Variants in CAST observed in about 807,000 individuals in gnomAD.
CAST encodes the protein calpastatin.
Under a neutral mutation model 119.6 loss-of-function variants are expected in CAST, and 76 were observed. The ratio of observed to expected loss-of-function variants is 0.64; its 90% CI spans 0.53 to 0.77. CAST has a LOEUF of 0.77. Among genes scored for constraint, CAST ranks in the 30% least tolerant of loss-of-function variants. The pLI is 0.00. For missense variants in CAST, 953 were observed against 946.5 expected (o/e 1.01, Z -0.09); for synonymous variants, 319 against 331.6 (o/e 0.96, Z 0.41).
the CAST span, chr5:96,399,958 C>T: frequency 1.9e-6 from 3 of 1,611,644 alleles, no homozygotes; most frequent in African/African-American, 1.3e-5. Flanking sequence ...CTTACCTGGG[C>T]TCAAAGTCAT....
chr5:96,064,188 G>GT, the CAST span, among the ~76,000 whole-genome samples: 14 of 151,926 alleles, frequency 9.2e-5, no homozygotes, highest in African/African-American at 4.8e-5. Flanking sequence ...AGAGACAGTA[G>GT]TTTTTTTTCT....
chr5:96,314,657 A>G, the CAST span, among the ~76,000 whole-genome samples: 1 of 152,152 alleles, frequency 6.6e-6, no homozygotes, highest in African/African-American at 2.4e-5. Context: ...ATCAGACCAA[A>G]TATTACCTCC....
chr5:96,402,599 G>A, the CAST span, among the ~76,000 whole-genome samples: 1 of 152,194 alleles, frequency 6.6e-6, no homozygotes, highest in African/African-American at 2.4e-5. Context: ...GCAGTGAGAT[G>A]ACCCTCAAGT....
At chr5:96,085,441 A>G in the CAST span, among the ~76,000 whole-genome samples, 1 of 152,212 alleles carries the variant, frequency 6.6e-6, no homozygotes, top group Non-Finnish European at 1.5e-5. Context: ...AAATTGAGAC[A>G]TTTATTATAA....
At chr5:96,272,718 A>G in the CAST span, among the ~76,000 whole-genome samples, 14 of 152,312 alleles carry the variant, frequency 9.2e-5, no homozygotes, top group African/African-American at 3.4e-4. Flanking sequence ...ATAATATTCT[A>G]TATTTCAAAA....
the CAST span, among the ~76,000 whole-genome samples, chr5:96,230,968 A>G: frequency 3.9e-5 from 6 of 152,176 alleles, no homozygotes; most frequent in African/African-American, 1.2e-4. Flanking sequence ...TAGAATAGTT[A>G]TAATCAAGAC....
At chr5:96,414,137 T>TAA in the CAST span, among the ~76,000 whole-genome samples, 23 of 124,728 alleles carry the variant, frequency 1.8e-4, no homozygotes, top group Non-Finnish European at 2.7e-4. Flanking sequence ...AGACTCTGTC[T>TAA]AAAAAAAAAA....
At chr5:96,432,265 C>A in the CAST span, 1 of 748,454 alleles carries the variant, frequency 1.3e-6, no homozygotes, top group South Asian at 1.8e-5. Context: ...CACCATTTCT[C>A]CCCCCAGCTT....
chr5:96,529,793 G>A (rs1745658121), upstream of CAST: 1 of 438,832 alleles, frequency 2.3e-6, no homozygotes, highest in Non-Finnish European at 4.5e-6. Flanking sequence ...CCTTTGCTGG[G>A]CATTCATTCT....
chr5:96,407,824 C>T, the CAST span, among the ~76,000 whole-genome samples: 1 of 152,098 alleles, frequency 6.6e-6, no homozygotes, highest in African/African-American at 2.4e-5. Context: ...TAATACTGCC[C>T]ACTGGAAACT....
At chr5:96,040,605 G>A in the CAST span, among the ~76,000 whole-genome samples, 1 of 152,060 alleles carries the variant, frequency 6.6e-6, no homozygotes, top group Non-Finnish European at 1.5e-5. Flanking sequence ...TTTGTCAAAG[G>A]CCTTTTCTGC....
At chr5:96,035,759 T>TTGTGTG in the CAST span, among the ~76,000 whole-genome samples, 178 of 149,616 alleles carry the variant, frequency 1.2e-3, no homozygotes, top group African/African-American at 3.0e-3. Flanking sequence ...GTCTGTGTGT[T>TTGTGTG]TGTGTGTGTG....
intron 2 of CAST, among the ~76,000 whole-genome samples, chr5:96,690,302 G>A (rs1752581047): frequency 6.6e-6 from 1 of 151,994 alleles, no homozygotes; most frequent in Admixed American, 6.6e-5. Context: ...TGTGATCTTG[G>A]CTCACTGCAA....
At chr5:96,263,417 G>C in the CAST span, among the ~76,000 whole-genome samples, 2 of 152,162 alleles carry the variant, frequency 1.3e-5, no homozygotes, top group Non-Finnish European at 2.9e-5. Flanking sequence ...AGAGTGACGA[G>C]CCATTATGGA....
At chr5:96,565,382 A>G (rs930488176) in intron 1 of CAST, among the ~76,000 whole-genome samples, 12 of 152,172 alleles carry the variant, frequency 7.9e-5, no homozygotes, top group African/African-American at 2.9e-4. Flanking sequence ...ACCCACATAT[A>G]TATATATACA....
chr5:96,355,858 C>A, the CAST span, among the ~76,000 whole-genome samples: 2 of 152,182 alleles, frequency 1.3e-5, 1 homozygote, highest in South Asian at 4.2e-4. Context: ...CACACCACCA[C>A]GCCCAGCTAA....
chr5:96,741,795 G>T, intron 15 of CAST: 1 of 489,782 alleles, frequency 2.0e-6, no homozygotes, highest in Non-Finnish European at 3.7e-6. Context: ...TAGCACAGTT[G>T]TCTCAGTCAT....
chr5:96,550,846 G>T (rs1036625016), intron 1 of CAST, among the ~76,000 whole-genome samples: 2 of 152,128 alleles, frequency 1.3e-5, no homozygotes, highest in African/African-American at 4.8e-5. Context: ...ATGAAATGAA[G>T]CAAGAAGACA....
intron 3 of CAST, among the ~76,000 whole-genome samples, chr5:96,704,731 A>G (rs990686694): frequency 6.6e-6 from 1 of 152,216 alleles, no homozygotes; most frequent in Non-Finnish European, 1.5e-5. Context: ...GTCTAACCTC[A>G]TAAGAACATA....
Sources: allele counts gnomAD v4.1 joint callset (sites outside exome capture counted in the v4.1 genomes callset), GRCh38; gene constraint gnomAD v4.1.1; transcripts MANE v1.5; gene names NCBI Gene and HGNC (gene_info 2026-07-23, HGNC 2026-07-21).